Variants in HSPA9 observed in about 807,000 individuals in gnomAD.
HSPA9 encodes the protein heat shock protein family A (Hsp70) member 9, also known as stress-70 protein, mitochondrial.
In HSPA9, 28 loss-of-function variants were observed where a neutral mutation model predicts 81.5. The ratio of observed to expected loss-of-function variants is 0.34; its 90% CI spans 0.25 to 0.47. The LOEUF (loss-of-function observed/expected upper bound fraction) is 0.47. Ranked by LOEUF, HSPA9 falls within the 20% of genes least tolerant of loss-of-function variation. The pLI, the probability that HSPA9 is intolerant of heterozygous loss-of-function variation, is 1.00. For synonymous variants in HSPA9, 293 were observed against 290.4 expected (o/e 1.01, Z -0.09); for missense variants, 678 against 838.0 (o/e 0.81, Z 2.36).
chr5:138,574,005 T>C (rs1346986275), intron 2 of HSPA9, 63 bp downstream of exon 2: 3 of 1,373,350 alleles, frequency 2.2e-6, no homozygotes, highest in East Asian at 4.6e-5. Flanking sequence ...ATCACAAATG[T>C]AGAAAACACT....
At chr5:138,571,647 ATTTTT>A (rs565771367) in intron 3 of HSPA9, among the ~76,000 whole-genome samples, 2 of 141,500 alleles carry the variant, frequency 1.4e-5, no homozygotes, top group Admixed American at 7.1e-5. Flanking sequence ...TCAAACTACT[ATTTTT>A]TTTTTTTTTT....
At position 138,554,580 on chromosome 5, in the gene HSPA9, T is replaced by C. The variant is rs571757049; in HGVS notation, c.*1457A>G. Reference sequence around the variant, plus strand: ...ACTTCCTTCATACTTGCAAATTAAATTGATTTCTTATACTGATTTTTGGAA... The same window carrying C: ...ACTTCCTTCATACTTGCAAATTAAACTGATTTCTTATACTGATTTTTGGAA... On this transcript the variant is annotated 3_prime_UTR_variant, in exon 17 of 17. Coordinates refer to ENST00000297185, the MANE Select transcript of HSPA9 (RefSeq NM_004134.7). Among the ~76,000 whole-genome samples, 9 of 152,364 alleles carry C rather than the reference T, an allele frequency of 5.9e-5. No individual in the cohort carries two copies. In the South Asian group the frequency reaches 6.2e-4, roughly 11 times the overall value.
chr5:138,567,797 T>A (rs1427853691), intron 5 of HSPA9, 75 bp from the exon 6 acceptor site: 1 of 1,073,492 alleles, frequency 9.3e-7, no homozygotes, highest in Non-Finnish European at 1.4e-6. Context: ...ACCTGTGTCA[T>A]CCTTTTGCAG....
intron 5 of HSPA9, among the ~76,000 whole-genome samples, chr5:138,568,214 C>T (rs1269588625): frequency 3.1e-5 from 4 of 128,658 alleles, no homozygotes; most frequent in Non-Finnish European, 6.6e-5. Context: ...CAAGATCGGC[C>T]GGCCAGGCAC....
chr5:138,573,641 CAAAAAAAAAAAAAAAAA>C lies in HSPA9; in HGVS notation c.228+105_228+121del, dbSNP rs57776368. ...CACCATGGGCTATAGAGACTGTCTC[CAAAAAAAAAAAAAAAAA>C]AAAAAAAAAAGCGCAAATCAGGTTC... On this transcript the variant is annotated intron_variant, in intron 3 of 16. Transcript: ENST00000297185. 5.6e-5 allele frequency: 17 copies of C among 302,698 alleles called. 1 individual carries two copies. Among genetic ancestry groups the C allele is most frequent in the Non-Finnish European group, 6.6e-5 (11 of 167,698 alleles). The allele number at this position is 302,698 out of a possible 1,614,324, so 18.8% of individuals were successfully genotyped here. A position where few individuals can be genotyped will look rare whatever the true frequency, so the allele number is the denominator to read the frequency against.
At position 138,558,715 on chromosome 5, in the gene HSPA9, A is replaced by T. The variant is rs891139498; in HGVS notation, c.1411-58T>A. ...TGTGATTAACCTACTCCATTTCTATAGAAAAAATGAAAGCCAAAGGTTTAC... is the reference window on the plus strand; with the variant it reads ...TGTGATTAACCTACTCCATTTCTATTGAAAAAATGAAAGCCAAAGGTTTAC... On this transcript the variant is annotated intron_variant, in intron 11 of 16. Transcript: ENST00000297185. 3.5e-5 allele frequency: 38 copies of T among 1,097,938 alleles called. No individual in the cohort carries two copies. The African/African-American group carries it at 5.4e-4, about 16-fold the overall frequency. 68.0% of individuals were successfully genotyped at this position (1,097,938 alleles called of 1,614,324 possible).
chr5:138,570,523 A>T (rs1458665319), intron 4 of HSPA9, among the ~76,000 whole-genome samples: 1 of 152,180 alleles, frequency 6.6e-6, no homozygotes, highest in African/African-American at 2.4e-5. Context: ...GAGTCTCAGC[A>T]GCCCAGGCTG....
rs184283888 is a variant in HSPA9 at position 138,563,266 on chromosome 5, G to A, written c.973-1477C>T. ...CATGACTACTGAGCACTTGAAATAAGACTAGTGTAACTGAGAAATGTAATT... is the reference window on the plus strand; with the variant it reads ...CATGACTACTGAGCACTTGAAATAAAACTAGTGTAACTGAGAAATGTAATT... On this transcript the variant is annotated intron_variant, in intron 9 of 16. Coordinates refer to ENST00000297185, the MANE Select transcript of HSPA9 (RefSeq NM_004134.7). Among the ~76,000 whole-genome samples the A allele has an allele frequency of 2.9e-3, 435 of 152,256 alleles. 4 individuals are homozygous for A. Among genetic ancestry groups the A allele is most frequent in the African/African-American group, 9.8e-3 (409 of 41,526 alleles).
chr5:138,573,971 G>T, intron 2 of HSPA9, 97 bp downstream of exon 2: 1 of 1,247,208 alleles, frequency 8.0e-7, no homozygotes, highest in Non-Finnish European at 1.2e-6. Context: ...AATAAATACA[G>T]ATAAATAATT....
rs1750549298 is a variant in HSPA9 at position 138,557,270 on chromosome 5, CG to C, written c.1728+131del. 1.9e-5 allele frequency: 14 copies of C among 730,786 alleles called. No homozygotes were observed. The Admixed American group carries it at 2.9e-4, about 15-fold the overall frequency. 45.3% of individuals were successfully genotyped at this position (730,786 alleles called of 1,614,324 possible). A position where few individuals can be genotyped will look rare whatever the true frequency, so the allele number is the denominator to read the frequency against. On this transcript the variant is annotated intron_variant, in intron 14 of 16. Transcript: ENST00000297185. ...GTGCACCACCACGCCCGGCTTCAAA[CG>C]ATCTGCCCACCTTGGCAGTGGGCTT...
chr5:138,570,883 T>C, intron 4 of HSPA9, 77 bp downstream of exon 4: 1 of 1,237,444 alleles, frequency 8.1e-7, no homozygotes, highest in Non-Finnish European at 1.2e-6. Context: ...CCAGGGATCC[T>C]CATCAACATG....
chr5:138,559,473 C>G (rs533193042), intron 11 of HSPA9, among the ~76,000 whole-genome samples: 26 of 152,224 alleles, frequency 1.7e-4, no homozygotes, highest in Admixed American at 1.3e-4. Flanking sequence ...ACCCTCATAC[C>G]ACCCCCTTCA....
At chr5:138,556,350 C>T in intron 16 of HSPA9, 102 bp downstream of exon 16, 2 of 1,405,674 alleles carry the variant, frequency 1.4e-6, no homozygotes, top group Non-Finnish European at 2.0e-6. Context: ...TAATCTCACT[C>T]TAAATTCCAC....
chr5:138,567,151 A>G lies in HSPA9; in HGVS notation c.729T>C (p.Tyr243=). 3.1e-6 allele frequency: 5 copies of G among 1,610,748 alleles called. No homozygotes were observed. The highest frequency in any genetic ancestry group is 4.2e-6 in the Non-Finnish European group (5 of 1,178,290). ...DKSEDKVIAV[Y]DLGGGTFDIS... is the part of the protein sequence containing the mutation. ...TATCAAAAGTTCCACCACCTAAATC[A>G]TATACAGCAATGCTGTAAATGATTT... is the stretch of plus-strand genomic sequence containing the variant. Residue 243 remains tyrosine, a synonymous_variant, in exon 8 of 17, where the codon TAT becomes TAC. Transcript: ENST00000297185.
chr5:138,566,957 C>A (rs756628832), intron 8 of HSPA9, 44 bp downstream of exon 8: 1 of 1,588,866 alleles, frequency 6.3e-7, no homozygotes. Flanking sequence ...CAAAGAATTT[C>A]TCAATATCCC....
chr5:138,566,188 C>CA (rs1186233815), intron 9 of HSPA9, among the ~76,000 whole-genome samples: 679 of 59,676 alleles, frequency 0.011, 33 homozygotes, highest in East Asian at 0.042. Flanking sequence ...AACTCTGTCT[C>CA]AAAAAAAAAA....
At position 138,558,601 on chromosome 5, in the gene HSPA9, A is replaced by G; in HGVS notation, c.1467T>C (p.Gly489=). The change falls in exon 12 of 17, where the codon GGT becomes GGC. Residue 489 remains glycine (G), a synonymous_variant. Transcript: ENST00000297185. ...QTQVEIKVCQ[G]EREMAGDNKL... Reference sequence around the variant, plus strand: ...TGTTGTCTCCAGCCATCTCTCTTTCACCCTGACACACTTTAATTTCCACTT... The same window carrying G: ...TGTTGTCTCCAGCCATCTCTCTTTCGCCCTGACACACTTTAATTTCCACTT... 1 of 1,613,782 alleles carries G rather than the reference A, an allele frequency of 6.2e-7. No individual in the cohort carries two copies.
chr5:138,557,559 A>G, intron 13 of HSPA9, 63 bp from the exon 14 acceptor site: 2 of 985,124 alleles, frequency 2.0e-6, no homozygotes, highest in Admixed American at 1.9e-5. Context: ...TTCTTCCTCC[A>G]TTGCATTAAG....
chr5:138,560,923 G>A, intron 10 of HSPA9: 1 of 149,244 alleles, frequency 6.7e-6, no homozygotes, highest in Non-Finnish European at 1.3e-5. Flanking sequence ...TTTTTTTTTT[G>A]CATATTTCCT....
Sources: gnomAD v4.1 joint callset for allele counts (sites outside exome capture counted in the v4.1 genomes callset) on GRCh38, gnomAD v4.1.1 for gene constraint, MANE v1.5 for transcripts, NCBI Gene and HGNC (gene_info 2026-07-23, HGNC 2026-07-21) for gene names.